Variants in PTPRT observed in about 807,000 individuals in gnomAD.
The protein encoded by PTPRT is receptor-type tyrosine-protein phosphatase T.
In PTPRT, 56 loss-of-function variants were observed where a neutral mutation model predicts 176.8. The ratio of observed to expected loss-of-function variants is 0.32; its 90% CI spans 0.26 to 0.40. The LOEUF (loss-of-function observed/expected upper bound fraction) is 0.40. PTPRT is among the 10% of genes least tolerant of loss of function. The pLI is 1.00. For missense variants in PTPRT, 1,540 were observed against 1,908.2 expected (o/e 0.81, Z 3.60); for synonymous variants, 783 against 739.0 (o/e 1.06, Z -0.96).
At chr20:42,393,116 G>A (rs991573857) in intron 9 of PTPRT, among the ~76,000 whole-genome samples, 7 of 152,122 alleles carry the variant, frequency 4.6e-5, no homozygotes, top group African/African-American at 1.7e-4. Context: ...AGATAAGGAC[G>A]TTCCTCTCCT....
At chr20:42,542,748 TAGC>T (rs1204739566) in intron 7 of PTPRT, among the ~76,000 whole-genome samples, 1 of 152,214 alleles carries the variant, frequency 6.6e-6, no homozygotes, top group Non-Finnish European at 1.5e-5. Context: ...ATATATCTAT[TAGC>T]AGGGGACTGT....
Position 42,104,495 on chromosome 20 carries a change from A to G in PTPRT, c.3540+74T>C, listed in dbSNP as rs912184394. 3 of 1,464,444 alleles carry G rather than the reference A, an allele frequency of 2.0e-6. No individual in the cohort carries two copies. In the East Asian group the frequency reaches 7.0e-5, roughly 34 times the overall value. The allele number at this position is 1,464,444 out of a possible 1,614,324, so 90.7% of individuals were successfully genotyped here. A position where few individuals can be genotyped will look rare whatever the true frequency, so the allele number is the denominator to read the frequency against. ...TGAATAAGTGTCTGTCATTTAAACCACCCAATCTATGGAAATTTGTTATAA... is the reference window on the plus strand; with the variant it reads ...TGAATAAGTGTCTGTCATTTAAACCGCCCAATCTATGGAAATTTGTTATAA... On this transcript the variant is annotated intron_variant, in intron 25 of 30. Transcript: ENST00000373187.
chr20:42,568,001 G>A lies in PTPRT; in HGVS notation c.1154-95439C>T, dbSNP rs1255450418. Among the ~76,000 whole-genome samples, 73 of 146,700 alleles carry A rather than the reference G, an allele frequency of 5.0e-4. 2 individuals carry two copies. The highest frequency in any genetic ancestry group is 4.5e-5 in the Non-Finnish European group (3 of 67,038). On this transcript the variant is annotated intron_variant, in intron 7 of 30. Transcript: ENST00000373187. ...TTTTTTTTTTTGGAGACGGAGTCTTGCTCTGTCACCCAGGCTGGAGTGCAG... is the reference window on the plus strand; with the variant it reads ...TTTTTTTTTTTGGAGACGGAGTCTTACTCTGTCACCCAGGCTGGAGTGCAG...
intron 27 of PTPRT, among the ~76,000 whole-genome samples, chr20:42,092,677 C>T (rs1451775920): frequency 6.6e-6 from 1 of 152,196 alleles, no homozygotes; most frequent in Non-Finnish European, 1.5e-5. Flanking sequence ...GCATATTTTG[C>T]TGGTGTGTTA....
intron 8 of PTPRT, among the ~76,000 whole-genome samples, chr20:42,450,792 A>C (rs2070814114): frequency 6.6e-6 from 1 of 152,212 alleles, no homozygotes; most frequent in South Asian, 2.1e-4. Context: ...CCAATAACAA[A>C]GAGAGATGTA....
chr20:42,395,623 G>C (rs141167705), intron 9 of PTPRT, among the ~76,000 whole-genome samples: 2 of 152,070 alleles, frequency 1.3e-5, no homozygotes, highest in Non-Finnish European at 2.9e-5. Context: ...CCTTGGGCCT[G>C]TGTAATCAGA....
At chr20:43,065,256 G>A (rs765738985) in intron 1 of PTPRT, among the ~76,000 whole-genome samples, 16 of 152,124 alleles carry the variant, frequency 1.1e-4, no homozygotes, top group Admixed American at 5.9e-4. Context: ...CACAGATCTA[G>A]GATCCTATAA....
At chr20:42,123,737 G>T (rs1246652114) in intron 19 of PTPRT, among the ~76,000 whole-genome samples, 2 of 152,164 alleles carry the variant, frequency 1.3e-5, no homozygotes, top group African/African-American at 4.8e-5. Flanking sequence ...TCTGCCCCCA[G>T]GTACCTGAGT....
the PTPRT span, among the ~76,000 whole-genome samples, chr20:42,044,021 C>G: frequency 2.0e-5 from 3 of 152,208 alleles, no homozygotes; most frequent in Admixed American, 6.5e-5. Context: ...CAAAGACTCA[C>G]TGAGACCAGC....
chr20:43,049,394 C>A (rs1986964007), intron 1 of PTPRT, among the ~76,000 whole-genome samples: 1 of 152,146 alleles, frequency 6.6e-6, no homozygotes, highest in South Asian at 2.1e-4. Flanking sequence ...AAGCTCAAAA[C>A]ACAAAGCCAT....
intron 9 of PTPRT, among the ~76,000 whole-genome samples, chr20:42,366,254 CCT>C (rs1354011676): frequency 1.3e-5 from 2 of 152,230 alleles, no homozygotes; most frequent in Non-Finnish European, 2.9e-5. Context: ...TCTTCCCTCC[CCT>C]GAGTGCCCAT....
chr20:42,632,213 C>G (rs1305597976), intron 7 of PTPRT, among the ~76,000 whole-genome samples: 1 of 152,068 alleles, frequency 6.6e-6, no homozygotes, highest in East Asian at 1.9e-4. Flanking sequence ...ATGCTTTCTC[C>G]TATGCTGTTT....
intron 6 of PTPRT, among the ~76,000 whole-genome samples, chr20:42,705,518 C>A (rs1034635194): frequency 4.6e-5 from 7 of 152,150 alleles, no homozygotes; most frequent in African/African-American, 1.7e-4. Context: ...AGTACATTAT[C>A]ACAAGGACAG....
chr20:43,050,266 T>C (rs1310251189), intron 1 of PTPRT, among the ~76,000 whole-genome samples: 1 of 152,176 alleles, frequency 6.6e-6, no homozygotes, highest in Non-Finnish European at 1.5e-5. Context: ...GGCTGTGGCA[T>C]TGGGACACAC....
chr20:42,440,105 C>T lies in PTPRT; in HGVS notation c.1560+8115G>A, dbSNP rs190263266. 2.2e-4 allele frequency among the ~76,000 whole-genome samples: 33 copies of T among 152,210 alleles called. No homozygotes were observed. The East Asian group carries it at 6.2e-3, about 29-fold the overall frequency. On this transcript the variant is annotated intron_variant, in intron 9 of 30. Coordinates refer to ENST00000373187, the MANE Select transcript of PTPRT (RefSeq NM_007050.6). ...TATTTTTAGTAGAGACAGGGCTTCA[C>T]CATCTTGGCCAGGACGGTCTCAATC...
intron 6 of PTPRT, among the ~76,000 whole-genome samples, chr20:42,729,829 C>A (rs995463967): frequency 6.6e-6 from 1 of 152,100 alleles, no homozygotes; most frequent in African/African-American, 2.4e-5. Context: ...CTTCTCTTCT[C>A]AAGATTTTGT....
intron 13 of PTPRT, among the ~76,000 whole-genome samples, chr20:42,258,046 G>T (rs1233747356): frequency 6.6e-6 from 1 of 152,132 alleles, no homozygotes; most frequent in Non-Finnish European, 1.5e-5. Flanking sequence ...AATAGGGGGA[G>T]AGACCGTTCA....
At chr20:42,039,139 G>T in the PTPRT span, among the ~76,000 whole-genome samples, 1 of 152,088 alleles carries the variant, frequency 6.6e-6, no homozygotes. Flanking sequence ...GAGACTACTT[G>T]TGGATCCAGT....
At position 43,162,683 on chromosome 20, in the gene PTPRT, C is replaced by G. The variant is rs112587529; in HGVS notation, c.88+26963G>C. Among the ~76,000 whole-genome samples the G allele has an allele frequency of 8.0e-3, 1,021 of 127,060 alleles. 25 individuals are homozygous for G. The highest frequency in any genetic ancestry group is 0.024 in the African/African-American group (961 of 39,794). The allele number at this position is 127,060 out of a possible 152,430, so 83.4% of individuals were successfully genotyped here. On this transcript the variant is annotated intron_variant, in intron 1 of 30. Transcript: ENST00000373187. ...CAAGCTTCCAGGATCTGGTCTGGGG[C>G]TGCCTGGCTCCCCTTCCCTTCAGCC...
Sources: gnomAD v4.1 joint callset for allele counts (sites outside exome capture counted in the v4.1 genomes callset) on GRCh38, gnomAD v4.1.1 for gene constraint, MANE v1.5 for transcripts, NCBI Gene and HGNC (gene_info 2026-07-23, HGNC 2026-07-21) for gene names.